The following CSMD1 variants were observed in gnomAD, a reference collection of about 807,000 sequenced individuals.
CSMD1 encodes the protein CUB and sushi domain-containing protein 1.
In CSMD1, 213 loss-of-function variants were observed where a neutral mutation model predicts 417.5. The ratio of observed to expected loss-of-function variants is 0.51; its 90% CI spans 0.46 to 0.57. The LOEUF (loss-of-function observed/expected upper bound fraction) is 0.57, where lower values mean the gene tolerates loss of function less well. CSMD1 is among the 20% of genes least tolerant of loss of function. The probability of loss-of-function intolerance (pLI) is 0.00; values close to 1 mark genes in which losing one functional copy is unlikely to be tolerated. For missense variants in CSMD1, 6,923 were observed against 4,529.7 expected (o/e 1.53, Z -15.17); for synonymous variants, 2,862 against 1,736.8 (o/e 1.65, Z -16.11).
intron 1 of CSMD1, among the ~76,000 whole-genome samples, chr8:4,804,323 G>A: frequency 6.6e-6 from 1 of 152,154 alleles, no homozygotes; most frequent in East Asian, 1.9e-4. Context: ...AAAAACTCAT[G>A]CTATGGAATG....
chr8:4,406,028 G>A (rs997044292), intron 3 of CSMD1, among the ~76,000 whole-genome samples: 3 of 152,194 alleles, frequency 2.0e-5, no homozygotes, highest in Admixed American at 6.5e-5. Flanking sequence ...ACTGGCTTGT[G>A]TTAGAACTGG....
intron 1 of CSMD1, among the ~76,000 whole-genome samples, chr8:4,675,682 A>G (rs1394276726): frequency 6.6e-6 from 1 of 152,218 alleles, no homozygotes; most frequent in Non-Finnish European, 1.5e-5. Flanking sequence ...TGTTTAAGTA[A>G]AAATCCAAGA....
At chr8:4,193,605 C>T (rs546806260) in intron 3 of CSMD1, among the ~76,000 whole-genome samples, 31 of 152,202 alleles carry the variant, frequency 2.0e-4, no homozygotes, top group African/African-American at 6.7e-4. Flanking sequence ...CCACCGGGCC[C>T]TCTGAGGAGC....
intron 23 of CSMD1, among the ~76,000 whole-genome samples, chr8:3,314,111 A>G (rs527672880): frequency 0.019 from 2,850 of 146,526 alleles, 84 homozygotes; most frequent in African/African-American, 0.067. Context: ...CACACACCGG[A>G]GCCTGTTGTG....
At chr8:3,434,654 G>C (rs986865283) in intron 12 of CSMD1, among the ~76,000 whole-genome samples, 10 of 152,076 alleles carry the variant, frequency 6.6e-5, no homozygotes, top group African/African-American at 1.9e-4. Flanking sequence ...TGTTTGATCT[G>C]ATCTCTCCAC....
intron 1 of CSMD1, among the ~76,000 whole-genome samples, chr8:4,662,715 C>G (rs1393871109): frequency 2.0e-5 from 3 of 152,096 alleles, no homozygotes; most frequent in Non-Finnish European, 4.4e-5. Context: ...TCAGATGTTA[C>G]GCAATTATTC....
chr8:3,982,617 G>C (rs1190838119), intron 5 of CSMD1, among the ~76,000 whole-genome samples: 1 of 148,428 alleles, frequency 6.7e-6, no homozygotes, highest in East Asian at 2.0e-4. Flanking sequence ...TGCTGAGAGA[G>C]AAAAAAAAAA....
In CSMD1 at chr8:2,936,530, G is replaced by A. The variant is rs1352639004; in HGVS notation, c.*2055C>T. 6.6e-6 allele frequency: 1 copy of A among 152,124 alleles called. No individual in the cohort carries two copies. The highest frequency in any genetic ancestry group is 1.5e-5 in the Non-Finnish European group (1 of 68,036). 9.4% of individuals were successfully genotyped at this position (152,124 alleles called of 1,614,324 possible). ...CCGCTGACCTCGTCCCGTCTACTGTGAAACAGCAATGTAAGGATTCCCACT... is the reference window on the plus strand; with the variant it reads ...CCGCTGACCTCGTCCCGTCTACTGTAAAACAGCAATGTAAGGATTCCCACT... On this transcript the variant is annotated 3_prime_UTR_variant, in exon 70 of 70. Coordinates refer to ENST00000635120, the MANE Select transcript of CSMD1 (RefSeq NM_033225.6).
intron 1 of CSMD1, among the ~76,000 whole-genome samples, chr8:4,786,035 A>G (rs1050576638): frequency 6.6e-6 from 1 of 152,308 alleles, no homozygotes; most frequent in Admixed American, 6.5e-5. Flanking sequence ...TAAGAAATAG[A>G]ATAGCCAACA....
intron 3 of CSMD1, among the ~76,000 whole-genome samples, chr8:4,374,529 G>C (rs113171998): frequency 2.0e-4 from 31 of 152,206 alleles, no homozygotes; most frequent in African/African-American, 6.7e-4. Context: ...CTAGAGAGAA[G>C]AGGCTGGTCA....
At chr8:4,307,269 G>T (rs138018691) in intron 3 of CSMD1, among the ~76,000 whole-genome samples, 2 of 152,102 alleles carry the variant, frequency 1.3e-5, no homozygotes, top group Non-Finnish European at 2.9e-5. Context: ...ACAGAGGGCT[G>T]TTGATATCTC....
At chr8:3,600,850 G>A (rs1230065187) in intron 8 of CSMD1, among the ~76,000 whole-genome samples, 1 of 151,650 alleles carries the variant, frequency 6.6e-6, no homozygotes, top group East Asian at 1.9e-4. Flanking sequence ...TTGCAATATT[G>A]CAAACACAGT....
intron 26 of CSMD1, among the ~76,000 whole-genome samples, chr8:3,277,908 A>T (rs1389246794): frequency 2.0e-5 from 3 of 152,250 alleles, no homozygotes; most frequent in African/African-American, 4.8e-5. Flanking sequence ...TGACAATTTT[A>T]TACAGTTCAA....
intron 1 of CSMD1, among the ~76,000 whole-genome samples, chr8:4,860,137 C>A (rs2116869772): frequency 6.6e-6 from 1 of 151,562 alleles, no homozygotes; most frequent in South Asian, 2.1e-4. Context: ...TGGAAATCAT[C>A]ATTCTCAGTA....
intron 50 of CSMD1, among the ~76,000 whole-genome samples, chr8:3,033,604 T>G (rs1043073962): frequency 6.6e-6 from 1 of 150,622 alleles, no homozygotes; most frequent in African/African-American, 2.4e-5. Flanking sequence ...TGTCGGGAGG[T>G]AAGGGACAAG....
chr8:3,204,576 A>T (rs1373102301), intron 31 of CSMD1, among the ~76,000 whole-genome samples: 1 of 152,158 alleles, frequency 6.6e-6, no homozygotes, highest in Non-Finnish European at 1.5e-5. Context: ...TTACATTCGT[A>T]AGAGGCCCGG....
At chr8:4,057,527 C>G (rs1249291834) in intron 3 of CSMD1, among the ~76,000 whole-genome samples, 3 of 152,050 alleles carry the variant, frequency 2.0e-5, no homozygotes, top group African/African-American at 7.2e-5. Flanking sequence ...TGCAGAAGCT[C>G]TTTAGTTTAA....
chr8:4,293,868 G>A (rs1195484363), intron 3 of CSMD1, among the ~76,000 whole-genome samples: 3 of 152,180 alleles, frequency 2.0e-5, no homozygotes, highest in African/African-American at 4.8e-5. Context: ...TTTTGACTCA[G>A]TGGTGAGACC....
chr8:3,769,170 G>C (rs571417890), intron 5 of CSMD1, among the ~76,000 whole-genome samples: 3 of 152,110 alleles, frequency 2.0e-5, no homozygotes, highest in African/African-American at 7.2e-5. Flanking sequence ...ATTTCCCCTT[G>C]CCATGATTTT....
Sources: allele counts gnomAD v4.1 joint callset (sites outside exome capture counted in the v4.1 genomes callset), GRCh38; gene constraint gnomAD v4.1.1; transcripts MANE v1.5; gene names NCBI Gene and HGNC (gene_info 2026-07-23, HGNC 2026-07-21).